Variants in NEDD4 observed in about 807,000 individuals in gnomAD.
NEDD4 encodes the protein NEDD4 E3 ubiquitin protein ligase.
A neutral mutation model predicts 144.9 loss-of-function variants in NEDD4; 99 were observed. The observed-to-expected ratio is 0.68, with a 90% CI of 0.58 to 0.81. The LOEUF is 0.81. Ranked by LOEUF, NEDD4 falls within the 30% of genes least tolerant of loss-of-function variation. The pLI, the probability that NEDD4 is intolerant of heterozygous loss-of-function variation, is 0.00. For missense variants in NEDD4, 985 were observed against 1,065.9 expected, an observed-to-expected ratio of 0.92 and a Z score of 1.06; for synonymous variants, 318 against 350.6, an observed-to-expected ratio of 0.91 and a Z score of 1.04.
intron 2 of NEDD4, among the ~76,000 whole-genome samples, chr15:55,955,308 G>C (rs773037105): frequency 6.6e-6 from 1 of 152,028 alleles, no homozygotes; most frequent in Non-Finnish European, 1.5e-5. Flanking sequence ...TAGGTTATAG[G>C]CATCAGCCAC....
At position 55,848,374 on chromosome 15, in the gene NEDD4, G is replaced by A. The variant is rs754574732; in HGVS notation, c.1540C>T (p.Pro514Ser). ...AGCACACTGGCAGAGAGACTTACTG[G>A]TCCAGTTATTGCTACATTCTCCAAC... is the stretch of plus-strand genomic sequence containing the variant. ...PRLENVAITG[P>S]AVPYSRDYKR... Residue 514 changes from proline to serine, a missense_variant and splice_region_variant, in exon 17 of 29, where the codon CCA becomes TCA. Transcript: ENST00000435532. The A allele has an allele frequency of 3.7e-6, 6 of 1,613,894 alleles. No individual in the cohort carries two copies. In the South Asian group the frequency reaches 6.6e-5, roughly 18 times the overall value.
chr15:55,936,216 C>A (rs1419301298), intron 4 of NEDD4, among the ~76,000 whole-genome samples: 1 of 152,128 alleles, frequency 6.6e-6, no homozygotes, highest in Non-Finnish European at 1.5e-5. Context: ...TTTTCCCTTC[C>A]ATAAAGCTCA....
intron 1 of NEDD4, among the ~76,000 whole-genome samples, chr15:55,992,764 A>G (rs1402638043): frequency 6.6e-6 from 1 of 152,252 alleles, no homozygotes; most frequent in Non-Finnish European, 1.5e-5. Flanking sequence ...TATTTAGCTG[A>G]AAAGAAACAG....
intron 4 of NEDD4, among the ~76,000 whole-genome samples, chr15:55,945,271 G>T (rs1478262511): frequency 6.6e-6 from 1 of 150,810 alleles, no homozygotes; most frequent in Non-Finnish European, 1.5e-5. Context: ...CTTGAAAAAA[G>T]GTTAGCCCAA....
At chr15:55,867,185 G>A (rs1173006113) in intron 8 of NEDD4, among the ~76,000 whole-genome samples, 1 of 152,094 alleles carries the variant, frequency 6.6e-6, no homozygotes, top group East Asian at 1.9e-4. Context: ...TTAAATAGTA[G>A]AATTTTATAT....
intron 5 of NEDD4, among the ~76,000 whole-genome samples, chr15:55,909,923 G>C (rs1463012572): frequency 6.6e-6 from 1 of 152,164 alleles, no homozygotes; most frequent in Non-Finnish European, 1.5e-5. Context: ...GACTAATGCT[G>C]TCCAAAATGA....
intron 1 of NEDD4, among the ~76,000 whole-genome samples, chr15:55,983,015 G>A (rs1000534639): frequency 3.3e-5 from 5 of 152,014 alleles, no homozygotes; most frequent in African/African-American, 4.8e-5. Flanking sequence ...CCAGCTACTC[G>A]GGAGGCTGAG....
At chr15:55,888,558 CTATAAAAATGCCAATG>C (rs2035466602) in intron 5 of NEDD4, among the ~76,000 whole-genome samples, 1 of 152,144 alleles carries the variant, frequency 6.6e-6, no homozygotes, top group Non-Finnish European at 1.5e-5. Context: ...GATGCAATCC[CTATAAAAATGCCAATG>C]ACATTTTTCA....
intron 4 of NEDD4, among the ~76,000 whole-genome samples, chr15:55,949,489 G>T (rs1218528305): frequency 6.6e-6 from 1 of 152,192 alleles, no homozygotes; most frequent in Non-Finnish European, 1.5e-5. Flanking sequence ...CTGCTGTAAA[G>T]ACACATGCAT....
chr15:55,930,371 G>A (rs2036756011), intron 4 of NEDD4, among the ~76,000 whole-genome samples: 2 of 152,056 alleles, frequency 1.3e-5, no homozygotes, highest in South Asian at 4.1e-4. Flanking sequence ...AATGGTACTG[G>A]TTAAGACTAG....
intron 5 of NEDD4, 73 bp from the exon 6 acceptor site, chr15:55,874,081 C>A: frequency 5.0e-6 from 4 of 793,860 alleles, no homozygotes; most frequent in East Asian, 5.5e-5. Context: ...TGAGATAGTG[C>A]CACCATTCAC....
At chr15:55,949,577 T>C (rs1335554772) in intron 4 of NEDD4, among the ~76,000 whole-genome samples, 1 of 152,158 alleles carries the variant, frequency 6.6e-6, no homozygotes, top group Non-Finnish European at 1.5e-5. Flanking sequence ...ATAGACTGGA[T>C]TAAGAAAATG....
At chr15:55,967,637 C>CATT (rs147531337) in intron 1 of NEDD4, among the ~76,000 whole-genome samples, 22,662 of 151,778 alleles carry the variant, frequency 0.15, 1,829 homozygotes, top group East Asian at 0.32. Flanking sequence ...TATTATAAAA[C>CATT]ATGTATATTT....
At chr15:55,964,215 G>C (rs2037471412) in intron 2 of NEDD4, among the ~76,000 whole-genome samples, 2 of 151,954 alleles carry the variant, frequency 1.3e-5, no homozygotes, top group Admixed American at 1.3e-4. Context: ...CCCTTTCTGT[G>C]TTAGACTGTA....
At chr15:55,925,794 T>A (rs1224567911) in intron 4 of NEDD4, among the ~76,000 whole-genome samples, 1 of 152,136 alleles carries the variant, frequency 6.6e-6, no homozygotes, top group Non-Finnish European at 1.5e-5. Context: ...CCCAGGCTCA[T>A]CACACTGCAC....
intron 5 of NEDD4, chr15:55,924,413 A>G (rs543974188): frequency 2.1e-6 from 1 of 477,408 alleles, no homozygotes; most frequent in South Asian, 3.0e-5. Context: ...GGTCTTGAGT[A>G]AGACCTTATA....
At chr15:55,876,863 T>C (rs776154638) in intron 5 of NEDD4, among the ~76,000 whole-genome samples, 23 of 152,006 alleles carry the variant, frequency 1.5e-4, no homozygotes, top group Non-Finnish European at 2.6e-4. Flanking sequence ...TTTTCACTTT[T>C]TTTTTCTTTT....
intron 5 of NEDD4, among the ~76,000 whole-genome samples, chr15:55,896,021 C>G (rs1347374357): frequency 1.3e-5 from 2 of 152,080 alleles, no homozygotes; most frequent in South Asian, 2.1e-4. Flanking sequence ...AATACTGGTC[C>G]AGAGGAAAAA....
chr15:55,828,172 T>C lies in NEDD4; in HGVS notation c.*1725A>G, dbSNP rs2032779436. ...GCTGTGGTGTTTGGAAAGTAGAAAG[T>C]GGTTTTGCTACTGTCACATTTCAGA... On this transcript the variant is annotated 3_prime_UTR_variant, in exon 29 of 29. Transcript: ENST00000435532. 1 of 152,146 alleles carries C rather than the reference T, an allele frequency of 6.6e-6. No individual in the cohort carries two copies. The highest frequency in any genetic ancestry group is 2.4e-5 in the African/African-American group (1 of 41,418). 9.4% of individuals were successfully genotyped at this position (152,146 alleles called of 1,614,324 possible). A position where few individuals can be genotyped will look rare whatever the true frequency, so the allele number is the denominator to read the frequency against.
Sources: allele counts gnomAD v4.1 joint callset (sites outside exome capture counted in the v4.1 genomes callset), GRCh38; gene constraint gnomAD v4.1.1; transcripts MANE v1.5; gene names NCBI Gene and HGNC (gene_info 2026-07-23, HGNC 2026-07-21).